The following DLGAP1 variants were observed in gnomAD, a reference collection of about 807,000 sequenced individuals.
DLGAP1 encodes the protein DLG associated protein 1, also known as disks large-associated protein 1.
In DLGAP1, 11 loss-of-function variants were observed where a neutral mutation model predicts 90.8. The ratio of observed to expected loss-of-function variants is 0.12; its 90% confidence interval spans 0.08 to 0.20. The LOEUF (loss-of-function observed/expected upper bound fraction) is 0.20, where lower values mean the gene tolerates loss of function less well. DLGAP1 is among the 10% of genes least tolerant of loss of function. The pLI is 1.00. For missense variants in DLGAP1, 1,050 were observed against 1,333.8 expected, an observed-to-expected ratio of 0.79 and a Z score of 3.31; for synonymous variants, 558 against 540.7, an observed-to-expected ratio of 1.03 and a Z score of -0.44.
chr18:4,212,443 A>G (rs1035461121), intron 1 of DLGAP1, among the ~76,000 whole-genome samples: 1 of 151,792 alleles, frequency 6.6e-6, no homozygotes, highest in African/African-American at 2.4e-5. Flanking sequence ...AGGTGGGTGG[A>G]TCACTTGAGG....
At chr18:4,053,086 G>A (rs999323756) in intron 2 of DLGAP1, among the ~76,000 whole-genome samples, 3 of 152,032 alleles carry the variant, frequency 2.0e-5, no homozygotes, top group Admixed American at 6.6e-5. Context: ...TTCCAAAGTC[G>A]CTTCCACATT....
intron 2 of DLGAP1, among the ~76,000 whole-genome samples, chr18:4,052,385 C>G (rs1568370355): frequency 1.3e-5 from 2 of 152,170 alleles, no homozygotes; most frequent in Non-Finnish European, 2.9e-5. Context: ...ACAGGACCAA[C>G]ACTATGTGGA....
At chr18:3,725,998 T>C (rs2062162284) in intron 7 of DLGAP1, among the ~76,000 whole-genome samples, 1 of 152,200 alleles carries the variant, frequency 6.6e-6, no homozygotes, top group Non-Finnish European at 1.5e-5. Flanking sequence ...ATGTGAGCAA[T>C]TAAAATGGGC....
intron 1 of DLGAP1, among the ~76,000 whole-genome samples, chr18:4,219,515 C>G (rs1218240204): frequency 6.6e-6 from 1 of 151,886 alleles, no homozygotes; most frequent in Non-Finnish European, 1.5e-5. Context: ...ATTTTGTTGC[C>G]TGTGCTTTTG....
At chr18:4,244,712 A>C (rs536522700) in intron 1 of DLGAP1, among the ~76,000 whole-genome samples, 2 of 152,210 alleles carry the variant, frequency 1.3e-5, no homozygotes, top group Non-Finnish European at 2.9e-5. Context: ...TAAAATAGGT[A>C]GGATTATGTC....
At chr18:3,661,558 G>A (rs1158817991) in intron 7 of DLGAP1, among the ~76,000 whole-genome samples, 1 of 143,886 alleles carries the variant, frequency 6.9e-6, no homozygotes, top group Non-Finnish European at 1.5e-5. Flanking sequence ...GCAGAGGGAA[G>A]AAGCTGTAAG....
At chr18:3,908,707 C>T (rs991928544) in intron 3 of DLGAP1, among the ~76,000 whole-genome samples, 2 of 152,148 alleles carry the variant, frequency 1.3e-5, no homozygotes, top group Admixed American at 6.6e-5. Context: ...AAGAAAACAT[C>T]CTTAAACATG....
intron 2 of DLGAP1, among the ~76,000 whole-genome samples, chr18:4,006,622 G>A (rs191427508): frequency 8.5e-4 from 127 of 149,004 alleles, no homozygotes; most frequent in African/African-American, 2.8e-3. Context: ...GAAAATTAGT[G>A]CCTCTGTTCC....
chr18:3,640,991 C>T (rs1360897690), intron 7 of DLGAP1, among the ~76,000 whole-genome samples: 1 of 152,074 alleles, frequency 6.6e-6, no homozygotes, highest in Non-Finnish European at 1.5e-5. Flanking sequence ...AGCAGGAAGG[C>T]CAGGATTCAA....
intron 4 of DLGAP1, among the ~76,000 whole-genome samples, chr18:3,857,695 T>C (rs1385982125): frequency 6.6e-6 from 1 of 152,170 alleles, no homozygotes; most frequent in Non-Finnish European, 1.5e-5. Flanking sequence ...ATTCCTGCTG[T>C]GTAGCCCAGG....
chr18:3,993,998 T>A (rs544656159), intron 3 of DLGAP1, among the ~76,000 whole-genome samples: 1 of 152,244 alleles, frequency 6.6e-6, no homozygotes, highest in South Asian at 2.1e-4. Context: ...GGTAAGAATG[T>A]GGTGAGTGAA....
chr18:4,212,467 A>G (rs2077863087), intron 1 of DLGAP1, among the ~76,000 whole-genome samples: 2 of 151,346 alleles, frequency 1.3e-5, no homozygotes, highest in African/African-American at 4.9e-5. Flanking sequence ...AGAGTTTGAG[A>G]GCAGCCTGGC....
At chr18:3,689,507 G>C (rs2060820784) in intron 7 of DLGAP1, among the ~76,000 whole-genome samples, 1 of 151,552 alleles carries the variant, frequency 6.6e-6, no homozygotes, top group Non-Finnish European at 1.5e-5. Context: ...TTTTTAAGCA[G>C]ACCTATCTTT....
At chr18:4,048,644 C>G (rs1467400840) in intron 2 of DLGAP1, among the ~76,000 whole-genome samples, 1 of 152,184 alleles carries the variant, frequency 6.6e-6, no homozygotes, top group Non-Finnish European at 1.5e-5. Context: ...CAACTTGTGC[C>G]TGCACTAGAT....
At chr18:3,647,583 A>G (rs1404743966) in intron 7 of DLGAP1, among the ~76,000 whole-genome samples, 2 of 151,398 alleles carry the variant, frequency 1.3e-5, no homozygotes, top group African/African-American at 4.9e-5. Context: ...CTCCTGCCTT[A>G]GCCTCCCGAG....
intron 9 of DLGAP1, among the ~76,000 whole-genome samples, chr18:3,548,130 T>A (rs929289980): frequency 2.0e-5 from 3 of 152,222 alleles, no homozygotes; most frequent in African/African-American, 7.2e-5. Flanking sequence ...GTATGAGATT[T>A]CTGTTGGTGA....
chr18:4,233,982 A>T (rs1293611142), intron 1 of DLGAP1, among the ~76,000 whole-genome samples: 1 of 152,120 alleles, frequency 6.6e-6, no homozygotes, highest in African/African-American at 2.4e-5. Flanking sequence ...GCATGATTTC[A>T]ATATTTAAAT....
At chr18:3,761,577 T>G (rs1189344165) in intron 5 of DLGAP1, among the ~76,000 whole-genome samples, 3 of 145,752 alleles carry the variant, frequency 2.1e-5, no homozygotes, top group Non-Finnish European at 3.0e-5. Context: ...TTTCTTTCTT[T>G]CTTTTTTTTT....
At chr18:4,376,188 A>C (rs2082011015) in intron 1 of DLGAP1, among the ~76,000 whole-genome samples, 1 of 152,198 alleles carries the variant, frequency 6.6e-6, no homozygotes, top group Admixed American at 6.5e-5. Flanking sequence ...TATGTCGGCC[A>C]AGGCACCAAC....
Sources: allele counts gnomAD v4.1 joint callset (sites outside exome capture counted in the v4.1 genomes callset), GRCh38; gene constraint gnomAD v4.1.1; transcripts MANE v1.5; gene names NCBI Gene and HGNC (gene_info 2026-07-23, HGNC 2026-07-21).